CCDC91: variants seen among roughly 807,000 people sequenced by gnomAD.
CCDC91 encodes the protein coiled-coil domain containing 91.
A neutral mutation model predicts 63.2 loss-of-function variants in CCDC91; 48 were observed. The ratio of observed to expected loss-of-function variants is 0.76; its 90% confidence interval spans 0.60 to 0.97. The LOEUF (loss-of-function observed/expected upper bound fraction) is 0.97, where lower values mean the gene tolerates loss of function less well. Ranked by LOEUF, CCDC91 falls within the 50% of genes least tolerant of loss-of-function variation. The probability of loss-of-function intolerance (pLI) is 0.00; values close to 1 mark genes in which losing one functional copy is unlikely to be tolerated. For missense variants in CCDC91, 500 were observed against 494.6 expected, an observed-to-expected ratio of 1.01 and a Z score of -0.10; for synonymous variants, 167 against 165.8, an observed-to-expected ratio of 1.01 and a Z score of -0.06.
chr12:28,359,782 C>CTTTCTTTTTTTTTTTTTTTTTTTTTTTT (rs1565853546), intron 6 of CCDC91, among the ~76,000 whole-genome samples: 6 of 152,074 alleles, frequency 3.9e-5, no homozygotes, highest in African/African-American at 1.5e-4. Flanking sequence ...CAGAATATTT[C>CTTTCTTTTTTTTTTTTTTTTTTTTTTTT]TATTTACTTT....
At position 28,386,765 on chromosome 12, in the gene CCDC91, A is replaced by G. The variant is rs80221733; in HGVS notation, c.655-4539A>G. 9.2e-3 allele frequency among the ~76,000 whole-genome samples: 1,396 copies of G among 152,342 alleles called. 25 individuals carry two copies. Among genetic ancestry groups the G allele is most frequent in the African/African-American group, 0.032 (1,327 of 41,564 alleles). On this transcript the variant is annotated intron_variant, in intron 7 of 12. Transcript: ENST00000536442. ...TCTCTGATAAAACTGTAGCTAAGACATAAATATGTTCAAAATCAACAAAAC... is the reference window on the plus strand; with the variant it reads ...TCTCTGATAAAACTGTAGCTAAGACGTAAATATGTTCAAAATCAACAAAAC...
chr12:28,328,540 C>G (rs1941220631), intron 6 of CCDC91, among the ~76,000 whole-genome samples: 1 of 152,136 alleles, frequency 6.6e-6, no homozygotes, highest in African/African-American at 2.4e-5. Context: ...GAAAAGCTGA[C>G]TCCTTGCATA....
At chr12:28,269,676 A>G (rs565043035) in intron 3 of CCDC91, among the ~76,000 whole-genome samples, 5 of 152,216 alleles carry the variant, frequency 3.3e-5, no homozygotes, top group Non-Finnish European at 5.9e-5. Context: ...TGTAGGATTT[A>G]TGTTTTCATT....
At chr12:28,474,292 C>T (rs1344348281) in intron 11 of CCDC91, among the ~76,000 whole-genome samples, 5 of 151,452 alleles carry the variant, frequency 3.3e-5, no homozygotes, top group Non-Finnish European at 7.4e-5. Context: ...ATTATGACAA[C>T]ATTCATGGCA....
At chr12:28,362,352 G>A (rs563168459) in intron 6 of CCDC91, 86 bp from the exon 7 acceptor site, 22 of 826,762 alleles carry the variant, frequency 2.7e-5, no homozygotes, top group South Asian at 2.5e-4. Flanking sequence ...TGAATCATTC[G>A]TGGAAGCAGC....
intron 1 of CCDC91, among the ~76,000 whole-genome samples, chr12:28,223,399 A>G (rs1178745849): frequency 2.0e-5 from 3 of 152,058 alleles, no homozygotes; most frequent in African/African-American, 2.4e-5. Context: ...TCTTTGCATT[A>G]TACTCTAGGC....
intron 1 of CCDC91, among the ~76,000 whole-genome samples, chr12:28,201,330 C>T (rs879189610): frequency 9.3e-5 from 14 of 149,800 alleles, no homozygotes; most frequent in Admixed American, 4.0e-4. Flanking sequence ...CGGGCAGAGA[C>T]GCTCCTCACC....
chr12:28,497,628 G>A (rs997256346), intron 12 of CCDC91, among the ~76,000 whole-genome samples: 1 of 151,514 alleles, frequency 6.6e-6, no homozygotes, highest in Non-Finnish European at 1.5e-5. Context: ...TGTATATCCA[G>A]CAGCGTACAT....
intron 12 of CCDC91, among the ~76,000 whole-genome samples, chr12:28,512,992 A>C (rs751605443): frequency 8.6e-5 from 13 of 151,954 alleles, no homozygotes; most frequent in Admixed American, 1.3e-4. Context: ...AAGATATTCA[A>C]AACTGTTAGC....
At chr12:28,428,788 A>C (rs1200818010) in intron 8 of CCDC91, among the ~76,000 whole-genome samples, 3 of 152,018 alleles carry the variant, frequency 2.0e-5, no homozygotes, top group African/African-American at 4.8e-5. Context: ...AATCTTTCTC[A>C]ATATGTTACT....
intron 1 of CCDC91, among the ~76,000 whole-genome samples, chr12:28,202,278 T>C (rs138466829): frequency 1.8e-3 from 276 of 152,320 alleles, no homozygotes; most frequent in Middle Eastern, 6.8e-3. Flanking sequence ...TTAGGGACAA[T>C]TAACTGCCTT....
At chr12:28,308,725 A>G (rs181695975) in intron 6 of CCDC91, among the ~76,000 whole-genome samples, 5 of 152,114 alleles carry the variant, frequency 3.3e-5, no homozygotes, top group Non-Finnish European at 7.4e-5. Context: ...GACAATGCTG[A>G]CATCCTCTCC....
intron 1 of CCDC91, among the ~76,000 whole-genome samples, chr12:28,215,144 C>T (rs541810350): frequency 6.6e-6 from 1 of 152,258 alleles, no homozygotes; most frequent in East Asian, 1.9e-4. Context: ...CCAGTCTTCT[C>T]TTGTACTTGG....
At chr12:28,507,048 C>T (rs1286136169) in intron 12 of CCDC91, among the ~76,000 whole-genome samples, 2 of 151,858 alleles carry the variant, frequency 1.3e-5, no homozygotes, top group Non-Finnish European at 2.9e-5. Context: ...GATTTAATTT[C>T]TTAATACAGT....
At chr12:28,273,987 G>A (rs1947995479) in intron 3 of CCDC91, among the ~76,000 whole-genome samples, 2 of 152,148 alleles carry the variant, frequency 1.3e-5, no homozygotes, top group Admixed American at 6.6e-5. Context: ...TAACATTTAA[G>A]TCTTTAATCC....
At chr12:28,367,494 G>A (rs1159362401) in intron 7 of CCDC91, among the ~76,000 whole-genome samples, 3 of 152,148 alleles carry the variant, frequency 2.0e-5, no homozygotes, top group Non-Finnish European at 4.4e-5. Context: ...AGGAATTTGT[G>A]GGATTATGAT....
chr12:28,304,541 A>T, intron 3 of CCDC91: 1 of 451,722 alleles, frequency 2.2e-6, no homozygotes, highest in Non-Finnish European at 3.7e-6. Flanking sequence ...TGTATAAGAT[A>T]ATTGAATTCT....
intron 8 of CCDC91, among the ~76,000 whole-genome samples, chr12:28,434,048 T>C (rs1948769278): frequency 6.6e-6 from 1 of 151,892 alleles, no homozygotes; most frequent in South Asian, 2.1e-4. Context: ...AATCTTGCGC[T>C]GTGCACCCTT....
chr12:28,254,772 C>CTTTTT (rs34812000), intron 1 of CCDC91, among the ~76,000 whole-genome samples: 1 of 128,828 alleles, frequency 7.8e-6, no homozygotes, highest in African/African-American at 2.9e-5. Flanking sequence ...GTATCATCTG[C>CTTTTT]TTTTTTTTTT....
Sources: gnomAD v4.1 joint callset for allele counts (sites outside exome capture counted in the v4.1 genomes callset) on GRCh38, gnomAD v4.1.1 for gene constraint, MANE v1.5 for transcripts, NCBI Gene and HGNC (gene_info 2026-07-23, HGNC 2026-07-21) for gene names.